The following SRGAP3 variants were observed in gnomAD, a reference collection of about 807,000 sequenced individuals.
SRGAP3 encodes the protein SLIT-ROBO Rho GTPase activating protein 3.
In SRGAP3, 39 loss-of-function variants were observed where a neutral mutation model predicts 121.1. That is an observed-to-expected ratio of 0.32 (90% confidence interval 0.25 to 0.42). The LOEUF (loss-of-function observed/expected upper bound fraction) is 0.42. SRGAP3 is among the 10% of genes least tolerant of loss of function. SRGAP3 has a pLI of 1.00. For synonymous variants in SRGAP3, 601 were observed against 570.0 expected (o/e 1.05, Z -0.77); for missense variants, 1,213 against 1,470.6 (o/e 0.82, Z 2.86).
intron 3 of SRGAP3, among the ~76,000 whole-genome samples, chr3:9,099,871 C>G (rs901713594): frequency 6.6e-6 from 1 of 152,174 alleles, no homozygotes; most frequent in African/African-American, 2.4e-5. Flanking sequence ...AGGCCAAATA[C>G]TCAAATGCAC....
intron 1 of SRGAP3, among the ~76,000 whole-genome samples, chr3:9,191,148 TCGC>T (rs748198895): frequency 4.3e-4 from 65 of 151,664 alleles, no homozygotes; most frequent in Non-Finnish European, 1.9e-4. Context: ...AGGTGTGGAG[TCGC>T]CCTCATTCAC....
intron 1 of SRGAP3, among the ~76,000 whole-genome samples, chr3:9,224,540 A>G (rs576448297): frequency 2.6e-5 from 4 of 152,240 alleles, no homozygotes; most frequent in Non-Finnish European, 5.9e-5. Context: ...CCGCCTTCCC[A>G]AAATTGCCAC....
intron 1 of SRGAP3, among the ~76,000 whole-genome samples, chr3:9,168,957 G>C (rs779804607): frequency 6.6e-6 from 1 of 152,202 alleles, no homozygotes; most frequent in Non-Finnish European, 1.5e-5. Context: ...CCTCCCAACA[G>C]TCACAGCTCT....
At chr3:9,212,784 C>T (rs1389537116) in intron 1 of SRGAP3, among the ~76,000 whole-genome samples, 3 of 152,216 alleles carry the variant, frequency 2.0e-5, no homozygotes, top group African/African-American at 4.8e-5. Context: ...AACGTGTGTC[C>T]TCCTGTTCAT....
At chr3:9,095,762 C>G (rs1947941973) in intron 3 of SRGAP3, among the ~76,000 whole-genome samples, 1 of 152,158 alleles carries the variant, frequency 6.6e-6, no homozygotes, top group African/African-American at 2.4e-5. Flanking sequence ...AATCCTCCAA[C>G]AAATACCAAA....
intron 1 of SRGAP3, among the ~76,000 whole-genome samples, chr3:9,213,725 C>A (rs1189043163): frequency 6.6e-6 from 1 of 152,160 alleles, no homozygotes; most frequent in African/African-American, 2.4e-5. Flanking sequence ...CCCACAAGGC[C>A]CTCCATGACC....
At chr3:9,319,593 G>C (rs1955407905) in intron 3 of SRGAP3, among the ~76,000 whole-genome samples, 1 of 151,828 alleles carries the variant, frequency 6.6e-6, no homozygotes, top group South Asian at 2.1e-4. Context: ...AAGGTCGCAG[G>C]TCAAGGAGTA....
At chr3:9,250,438 C>T (rs1953980861), upstream of SRGAP3, among the ~76,000 whole-genome samples, 1 of 152,044 alleles carries the variant, frequency 6.6e-6, no homozygotes, top group Non-Finnish European at 1.5e-5. Context: ...TGAATGGTGC[C>T]CCCTGGAGTT....
chr3:9,237,199 A>G (rs1953445262), intron 1 of SRGAP3, among the ~76,000 whole-genome samples: 1 of 152,208 alleles, frequency 6.6e-6, no homozygotes, highest in Non-Finnish European at 1.5e-5. Context: ...ACCTATAATC[A>G]TTCATTCGTT....
At chr3:9,223,722 G>A (rs534712779) in intron 1 of SRGAP3, among the ~76,000 whole-genome samples, 10 of 152,224 alleles carry the variant, frequency 6.6e-5, no homozygotes, top group Admixed American at 5.2e-4. Flanking sequence ...TTTTATCCCC[G>A]TTTCCCACCA....
intron 1 of SRGAP3, among the ~76,000 whole-genome samples, chr3:9,212,459 T>C (rs554322789): frequency 4.2e-4 from 64 of 152,310 alleles, no homozygotes; most frequent in African/African-American, 1.5e-3. Context: ...CAGTGGCTCA[T>C]GCCTGTAATC....
intron 2 of SRGAP3, among the ~76,000 whole-genome samples, chr3:9,111,058 G>A (rs1948605510): frequency 1.3e-5 from 2 of 152,240 alleles, no homozygotes; most frequent in South Asian, 4.1e-4. Flanking sequence ...TTCTTCAGCA[G>A]TTCATGCATT....
chr3:9,326,479 T>C (rs1955520888), intron 2 of SRGAP3, among the ~76,000 whole-genome samples: 2 of 151,978 alleles, frequency 1.3e-5, no homozygotes, highest in East Asian at 1.9e-4. Context: ...GTTTGGATTA[T>C]TTTATCTTTT....
At chr3:9,169,350 G>C (rs542310848) in intron 1 of SRGAP3, among the ~76,000 whole-genome samples, 2 of 152,184 alleles carry the variant, frequency 1.3e-5, no homozygotes, top group African/African-American at 2.4e-5. Flanking sequence ...CATTATATCT[G>C]TTTATGTCCA....
At position 9,131,433 on chromosome 3, in the gene SRGAP3, C is replaced by CTTTTT. The variant is rs869155697; in HGVS notation, c.68-6521_68-6517dup. On this transcript the variant is annotated intron_variant, in intron 1 of 21. Transcript: ENST00000383836. Reference sequence around the variant, plus strand: ...GCCCAGAGAAGGGGAAGATCTAATTCTTTTTTTTTTTTTTTTTTTTTTTGA... The same window carrying CTTTTT: ...GCCCAGAGAAGGGGAAGATCTAATTCTTTTTTTTTTTTTTTTTTTTTTTTTTTTGA... Among the ~76,000 whole-genome samples the CTTTTT allele has an allele frequency of 4.2e-4, 38 of 90,220 alleles. 1 individual carries two copies. The highest frequency in any genetic ancestry group is 7.0e-4 in the East Asian group (2 of 2,844). The allele number at this position is 90,220 out of a possible 152,430, so 59.2% of individuals were successfully genotyped here.
chr3:9,084,190 C>G (rs975631320), intron 3 of SRGAP3, among the ~76,000 whole-genome samples: 3 of 152,148 alleles, frequency 2.0e-5, no homozygotes, highest in African/African-American at 2.4e-5. Flanking sequence ...TGGCCTCCCC[C>G]ACCTCCCAAT....
intron 1 of SRGAP3, among the ~76,000 whole-genome samples, chr3:9,238,935 T>A (rs1197355567): frequency 6.6e-6 from 1 of 152,158 alleles, no homozygotes; most frequent in Non-Finnish European, 1.5e-5. Context: ...AAAGAGGATG[T>A]CCCAGTAGCT....
At chr3:9,197,170 G>A (rs1340940477) in intron 1 of SRGAP3, among the ~76,000 whole-genome samples, 1 of 152,200 alleles carries the variant, frequency 6.6e-6, no homozygotes, top group Non-Finnish European at 1.5e-5. Flanking sequence ...AAATCCTCTA[G>A]AAATCTGTCA....
intron 1 of SRGAP3, among the ~76,000 whole-genome samples, chr3:9,126,806 A>G (rs1949252027): frequency 6.6e-6 from 1 of 152,102 alleles, no homozygotes; most frequent in Admixed American, 6.6e-5. Context: ...GATAATGAGA[A>G]ATTACTTAAT....
Sources: allele counts gnomAD v4.1 joint callset (sites outside exome capture counted in the v4.1 genomes callset), GRCh38; gene constraint gnomAD v4.1.1; transcripts MANE v1.5; gene names NCBI Gene and HGNC (gene_info 2026-07-23, HGNC 2026-07-21).